The following SAMD12 variants were observed in gnomAD, a reference collection of about 807,000 sequenced individuals.
SAMD12 encodes the protein sterile alpha motif domain containing 12.
In SAMD12, 9 loss-of-function variants were observed where a neutral mutation model predicts 15.0. The observed-to-expected ratio is 0.60, with a 90% CI of 0.36 to 1.05. The LOEUF (loss-of-function observed/expected upper bound fraction) is 1.05, where lower values mean the gene tolerates loss of function less well. SAMD12 is among the 50% of genes least tolerant of loss of function. SAMD12 has a pLI of 0.01. For missense variants in SAMD12, 230 were observed against 234.2 expected, an observed-to-expected ratio of 0.98 and a Z score of 0.12; for synonymous variants, 86 against 90.1, an observed-to-expected ratio of 0.96 and a Z score of 0.25.
chr8:118,424,307 C>T (rs1180736645), intron 3 of SAMD12, among the ~76,000 whole-genome samples: 1 of 152,144 alleles, frequency 6.6e-6, no homozygotes, highest in Non-Finnish European at 1.5e-5. Context: ...TTCTCACAAA[C>T]TTTGATGTGG....
chr8:118,517,983 T>C (rs1825290576), intron 2 of SAMD12, among the ~76,000 whole-genome samples: 1 of 152,082 alleles, frequency 6.6e-6, no homozygotes, highest in Admixed American at 6.6e-5. Context: ...AAATAAGACA[T>C]CCAACAGCAG....
intron 2 of SAMD12, among the ~76,000 whole-genome samples, chr8:118,485,711 G>A (rs112213259): frequency 0.011 from 1,631 of 152,212 alleles, 11 homozygotes; most frequent in Middle Eastern, 0.024. Flanking sequence ...TATGGATTTC[G>A]ATGAAGAATA....
At chr8:118,191,797 TATATATATATATATAGAGAG>T (rs1563686564) in exon 5 of SAMD12, 41 of 45,888 alleles carry the variant, frequency 8.9e-4, no homozygotes, top group Non-Finnish European at 1.2e-3. Flanking sequence ...TATATATATA[TATATATATATATATAGAGAG>T]AGAGAGAGAG....
intron 2 of SAMD12, among the ~76,000 whole-genome samples, chr8:118,554,081 G>T (rs1185811061): frequency 6.6e-6 from 1 of 151,686 alleles, no homozygotes; most frequent in Non-Finnish European, 1.5e-5. Flanking sequence ...TTACACTGTT[G>T]GTGGGACTGT....
intron 2 of SAMD12, among the ~76,000 whole-genome samples, chr8:118,547,957 T>G (rs1480602708): frequency 6.6e-6 from 1 of 152,130 alleles, no homozygotes; most frequent in Non-Finnish European, 1.5e-5. Flanking sequence ...GTAACACACT[T>G]GAGGACATCC....
intron 2 of SAMD12, among the ~76,000 whole-genome samples, chr8:118,555,274 T>G (rs866765085): frequency 1.6e-4 from 25 of 152,232 alleles, no homozygotes; most frequent in African/African-American, 5.8e-4. Context: ...TGTTTACACT[T>G]GATTCCCGTT....
intron 1 of SAMD12, among the ~76,000 whole-genome samples, chr8:118,589,931 G>C (rs1827541890): frequency 1.3e-5 from 2 of 152,102 alleles, no homozygotes; most frequent in South Asian, 2.1e-4. Flanking sequence ...ACTTAGTAAA[G>C]TTAAAAATGA....
intron 4 of SAMD12, among the ~76,000 whole-genome samples, chr8:118,265,440 T>G (rs1258379433): frequency 6.6e-6 from 1 of 152,106 alleles, no homozygotes; most frequent in Non-Finnish European, 1.5e-5. Flanking sequence ...GAAGACATTC[T>G]TTATGTATTG....
intron 4 of SAMD12, among the ~76,000 whole-genome samples, chr8:118,223,561 T>A (rs974251122): frequency 1.3e-5 from 2 of 152,132 alleles, no homozygotes; most frequent in African/African-American, 4.8e-5. Flanking sequence ...GATGGGGAGG[T>A]AGACTTGTTG....
chr8:118,223,440 C>T (rs1000678331), intron 4 of SAMD12, among the ~76,000 whole-genome samples: 1 of 152,180 alleles, frequency 6.6e-6, no homozygotes, highest in Admixed American at 6.5e-5. Flanking sequence ...CTTAGCATTT[C>T]GACTTCTGGT....
chr8:118,456,952 T>A (rs923277701), intron 2 of SAMD12, among the ~76,000 whole-genome samples: 1 of 152,202 alleles, frequency 6.6e-6, no homozygotes, highest in Admixed American at 6.5e-5. Flanking sequence ...GTTTTTCCAT[T>A]CACTAGCTGT....
chr8:118,541,604 C>A (rs1053065474), intron 2 of SAMD12, among the ~76,000 whole-genome samples: 3 of 151,968 alleles, frequency 2.0e-5, no homozygotes, highest in Non-Finnish European at 4.4e-5. Flanking sequence ...TATAAAATAG[C>A]GGGAAGAGGC....
At chr8:118,497,174 A>T (rs1283795780) in intron 2 of SAMD12, among the ~76,000 whole-genome samples, 1 of 152,156 alleles carries the variant, frequency 6.6e-6, no homozygotes, top group Non-Finnish European at 1.5e-5. Context: ...TTCTGAAAGA[A>T]CTTATAAACA....
chr8:118,437,569 A>C (rs978432860), intron 3 of SAMD12, among the ~76,000 whole-genome samples: 1 of 152,198 alleles, frequency 6.6e-6, no homozygotes, highest in African/African-American at 2.4e-5. Context: ...TCTCTGAGCC[A>C]GGTACTATTT....
chr8:118,251,765 G>A (rs190638243), intron 4 of SAMD12, among the ~76,000 whole-genome samples: 20 of 152,060 alleles, frequency 1.3e-4, no homozygotes, highest in African/African-American at 4.8e-4. Context: ...AGCTGAAAGG[G>A]GGCCAACCTC....
rs565205390 is a variant in SAMD12, at chr8:118,600,406, G to T, written c.14-19513C>A. ...AGGTTTTGGGATCACTTAGATCAGG[G>T]GTTGGCAAACTTTTTCTATAAAGGA... On this transcript the variant is annotated intron_variant, in intron 1 of 3. Transcript: ENST00000314727. Among the ~76,000 whole-genome samples, 134 of 152,238 alleles carry T rather than the reference G, an allele frequency of 8.8e-4. 2 individuals are homozygous for T. The highest frequency in any genetic ancestry group is 8.8e-3 in the Admixed American group (134 of 15,292).
intron 2 of SAMD12, among the ~76,000 whole-genome samples, chr8:118,559,597 G>T (rs767569563): frequency 1.3e-5 from 2 of 152,084 alleles, no homozygotes; most frequent in African/African-American, 2.4e-5. Flanking sequence ...GTGCAATTCT[G>T]CCAGAACTAG....
At chr8:118,447,262 G>A (rs1822941555) in intron 2 of SAMD12, among the ~76,000 whole-genome samples, 1 of 151,458 alleles carries the variant, frequency 6.6e-6, no homozygotes, top group Non-Finnish European at 1.5e-5. Flanking sequence ...ACAACAAACA[G>A]GTCATCCTGT....
At chr8:118,160,105 A>C in the SAMD12 span, among the ~76,000 whole-genome samples, 1 of 152,222 alleles carries the variant, frequency 6.6e-6, no homozygotes, top group South Asian at 2.1e-4. Context: ...CAAATCTCAA[A>C]ATATTTCTAG....
Sources: gnomAD v4.1 joint callset for allele counts (sites outside exome capture counted in the v4.1 genomes callset) on GRCh38, gnomAD v4.1.1 for gene constraint, MANE v1.5 for transcripts, NCBI Gene and HGNC (gene_info 2026-07-23, HGNC 2026-07-21) for gene names.